The following CACNA1D variants were observed in gnomAD, a reference collection of about 807,000 sequenced individuals.
CACNA1D encodes the protein voltage-dependent L-type calcium channel subunit alpha-1D.
In CACNA1D, 55 loss-of-function variants were observed where a neutral mutation model predicts 257.1. The observed-to-expected ratio is 0.21, with a 90% CI of 0.17 to 0.27. The LOEUF is 0.27. CACNA1D is among the 10% of genes least tolerant of loss of function. CACNA1D has a pLI of 1.00. For synonymous variants in CACNA1D, 980 were observed against 1,014.9 expected, an observed-to-expected ratio of 0.97 and a Z score of 0.65; for missense variants, 1,876 against 2,784.0, an observed-to-expected ratio of 0.67 and a Z score of 7.34.
intron 3 of CACNA1D, among the ~76,000 whole-genome samples, chr3:53,639,603 G>A (rs1470572002): frequency 2.0e-5 from 3 of 152,034 alleles, no homozygotes; most frequent in African/African-American, 7.2e-5. Flanking sequence ...AGCTAGGATG[G>A]CCTCCATCTC....
intron 3 of CACNA1D, among the ~76,000 whole-genome samples, chr3:53,508,576 T>TTCTTAATC (rs2090964328): frequency 6.6e-6 from 1 of 152,174 alleles, no homozygotes; most frequent in South Asian, 2.1e-4. Context: ...AGCAAGGCAT[T>TTCTTAATC]TCTTTCTTAA....
Position 53,800,353 on chromosome 3 carries a change from T to C in CACNA1D, c.5028T>C (p.Asp1676=), listed in dbSNP as rs748990289. The change falls in exon 41 of 48, where the codon GAT becomes GAC. Residue 1676 remains aspartate, a synonymous_variant. Transcript: ENST00000350061. The surrounding 1 kb of genome is among the most constrained non-coding windows in gnomAD (Gnocchi z 4.3). Reference sequence around the variant, plus strand: ...AGGAAACAAAACGAGAAGAAGAAGATGATGTGTTCAAAGTAATTATTCCAC... The same window carrying C: ...AGGAAACAAAACGAGAAGAAGAAGACGATGTGTTCAAAGTAATTATTCCAC... ...EPEETKREEE[D]DVFKRNGALL... is the part of the protein sequence containing the mutation. The C allele has an allele frequency of 1.9e-6, 3 of 1,605,068 alleles. No homozygotes were observed. The highest frequency in any genetic ancestry group is 1.1e-5 in the South Asian group (1 of 90,894).
At chr3:53,600,624 C>A (rs1385815762) in intron 3 of CACNA1D, among the ~76,000 whole-genome samples, 1 of 152,166 alleles carries the variant, frequency 6.6e-6, no homozygotes, top group Non-Finnish European at 1.5e-5. Context: ...ACCTTTTAAT[C>A]TGCTTATTAT....
chr3:53,577,707 C>T (rs1438609149), intron 3 of CACNA1D, among the ~76,000 whole-genome samples: 7 of 151,990 alleles, frequency 4.6e-5, no homozygotes, highest in Admixed American at 3.9e-4. Flanking sequence ...CAACAGTGGC[C>T]GCCCTGGAGA....
intron 19 of CACNA1D, among the ~76,000 whole-genome samples, chr3:53,734,008 A>G (rs60164706): frequency 0.39 from 27,459 of 70,584 alleles, 3,156 homozygotes; most frequent in African/African-American, 0.43. Context: ...ACATATATAT[A>G]TGTGTGTGTA....
At chr3:53,549,566 G>A (rs1047551281) in intron 3 of CACNA1D, among the ~76,000 whole-genome samples, 27 of 152,144 alleles carry the variant, frequency 1.8e-4, no homozygotes, top group African/African-American at 6.5e-4. Context: ...ATTCCATATT[G>A]TATCTCAAAT....
At chr3:53,552,172 T>A (rs940120785) in intron 3 of CACNA1D, among the ~76,000 whole-genome samples, 1 of 152,172 alleles carries the variant, frequency 6.6e-6, no homozygotes, top group African/African-American at 2.4e-5. Flanking sequence ...GTGGAGGGGC[T>A]GTATGCTTGA....
intron 3 of CACNA1D, among the ~76,000 whole-genome samples, chr3:53,616,734 A>T (rs1277244859): frequency 1.3e-5 from 2 of 152,164 alleles, no homozygotes; most frequent in Non-Finnish European, 2.9e-5. Context: ...GCCAGAGCCT[A>T]TAGGAAATGA....
At chr3:53,798,302 TGTGTGCGTGTGTGTGTGTGTGTGTGC>T in intron 40 of CACNA1D, among the ~76,000 whole-genome samples, 1 of 102,130 alleles carries the variant, frequency 9.8e-6, no homozygotes, top group East Asian at 6.3e-4. Flanking sequence ...AGTGTGTGTA[TGTGTGCGTGTGTGTGTGTGTGTGTGC>T]GTGTGTGTGC....
At chr3:53,506,914 A>G (rs1255250345) in intron 3 of CACNA1D, among the ~76,000 whole-genome samples, 2 of 152,098 alleles carry the variant, frequency 1.3e-5, no homozygotes, top group African/African-American at 2.4e-5. Flanking sequence ...CCTTTCACAT[A>G]AAAATTGATT....
At chr3:53,634,447 T>C (rs1162191761) in intron 3 of CACNA1D, among the ~76,000 whole-genome samples, 2 of 152,210 alleles carry the variant, frequency 1.3e-5, no homozygotes, top group Non-Finnish European at 2.9e-5. Context: ...CTTGTTTATG[T>C]ATATGGTTTT....
At chr3:53,665,033 G>A (rs574258958) in intron 5 of CACNA1D, among the ~76,000 whole-genome samples, 15 of 152,262 alleles carry the variant, frequency 9.9e-5, no homozygotes, top group African/African-American at 3.4e-4. Context: ...GGGAGTGATT[G>A]CCCTCAGCAA....
At chr3:53,718,584 C>T in intron 10 of CACNA1D, 196 bp downstream of exon 10, 4 of 690,644 alleles carry the variant, frequency 5.8e-6, no homozygotes, top group South Asian at 3.0e-5. Context: ...CACCCCCCGC[C>T]CCCCCGCCCC....
intron 3 of CACNA1D, chr3:53,530,180 C>T (rs1000051265): frequency 1.3e-5 from 2 of 152,172 alleles, no homozygotes; most frequent in Non-Finnish European, 2.9e-5. Flanking sequence ...AACGAAGCAT[C>T]AATTTCAGTA....
chr3:53,613,053 A>G (rs2093599965), intron 3 of CACNA1D, among the ~76,000 whole-genome samples: 1 of 152,134 alleles, frequency 6.6e-6, no homozygotes, highest in Admixed American at 6.5e-5. Context: ...TGAGTTTTTA[A>G]AAGTGAGACA....
chr3:53,671,766 T>A (rs2094325456), intron 7 of CACNA1D, among the ~76,000 whole-genome samples: 1 of 152,208 alleles, frequency 6.6e-6, no homozygotes, highest in Admixed American at 6.5e-5. Flanking sequence ...CCTATTTGGC[T>A]TCTCGAGGCA....
At chr3:53,594,833 T>G (rs999461172) in intron 3 of CACNA1D, among the ~76,000 whole-genome samples, 9 of 152,264 alleles carry the variant, frequency 5.9e-5, no homozygotes, top group South Asian at 4.1e-4. Flanking sequence ...GATCCTGCTT[T>G]TCTTCCCCTT....
At chr3:53,617,167 C>G (rs1198999432) in intron 3 of CACNA1D, among the ~76,000 whole-genome samples, 1 of 152,132 alleles carries the variant, frequency 6.6e-6, no homozygotes, top group African/African-American at 2.4e-5. Flanking sequence ...TCTCACGATA[C>G]TCACTGTTGA....
chr3:53,745,576 A>C, intron 23 of CACNA1D, 48 bp from the exon 24 acceptor site: 5 of 1,265,538 alleles, frequency 4.0e-6, no homozygotes, highest in Non-Finnish European at 5.8e-6. Context: ...AGCTCACCTC[A>C]AGGCCAAAAT....
Sources: gnomAD v4.1 joint callset for allele counts (sites outside exome capture counted in the v4.1 genomes callset) on GRCh38, gnomAD v4.1.1 for gene constraint, Gnocchi (gnomAD v3.1) non-coding constraint, MANE v1.5 for transcripts, NCBI Gene and HGNC (gene_info 2026-07-23, HGNC 2026-07-21) for gene names.